Variants in MTMR7 observed in about 807,000 individuals in gnomAD.
MTMR7 encodes the protein myotubularin related protein 7.
A neutral mutation model predicts 81.2 loss-of-function variants in MTMR7; 76 were observed. That is an observed-to-expected ratio of 0.94 (90% CI 0.78 to 1.13). The LOEUF (loss-of-function observed/expected upper bound fraction) is 1.13. Ranked by LOEUF, MTMR7 falls within the 50% of genes most tolerant of loss-of-function variation. The pLI is 0.00. For synonymous variants in MTMR7, 372 were observed against 289.8 expected, an observed-to-expected ratio of 1.28 and a Z score of -2.88; for missense variants, 1,044 against 820.0, an observed-to-expected ratio of 1.27 and a Z score of -3.34.
intron 10 of MTMR7, 143 bp downstream of exon 10, chr8:17,309,134 G>C (rs1307019352): frequency 3.2e-6 from 2 of 618,372 alleles, no homozygotes; most frequent in East Asian, 5.5e-5. Flanking sequence ...TCTATGATAT[G>C]ACATATACAA....
intron 1 of MTMR7, among the ~76,000 whole-genome samples, chr8:17,395,095 T>C (rs1384210193): frequency 6.6e-6 from 1 of 152,130 alleles, no homozygotes; most frequent in East Asian, 1.9e-4. Flanking sequence ...CTACCCTCAG[T>C]TCCTCATAAC....
chr8:17,317,593 T>C (rs1224920578), intron 7 of MTMR7, among the ~76,000 whole-genome samples: 1 of 152,106 alleles, frequency 6.6e-6, no homozygotes, highest in African/African-American at 2.4e-5. Context: ...ATCACCATCT[T>C]CTCTTGTGGA....
intron 1 of MTMR7, among the ~76,000 whole-genome samples, chr8:17,408,932 C>A (rs149443961): frequency 2.0e-5 from 3 of 152,082 alleles, no homozygotes; most frequent in African/African-American, 7.2e-5. Flanking sequence ...ACTAAAACCA[C>A]TGAATTGTGC....
At chr8:17,378,503 T>A (rs1342744151) in intron 1 of MTMR7, among the ~76,000 whole-genome samples, 1 of 152,164 alleles carries the variant, frequency 6.6e-6, no homozygotes, top group African/African-American at 2.4e-5. Context: ...TATACATATA[T>A]GCTGTACATA....
intron 10 of MTMR7, among the ~76,000 whole-genome samples, chr8:17,306,236 A>T (rs1450069842): frequency 6.6e-6 from 1 of 152,174 alleles, no homozygotes; most frequent in African/African-American, 2.4e-5. Context: ...CCACAGAAAA[A>T]GGGCATTTTT....
At chr8:17,366,662 G>A (rs552085930) in intron 3 of MTMR7, among the ~76,000 whole-genome samples, 7 of 152,180 alleles carry the variant, frequency 4.6e-5, no homozygotes, top group South Asian at 2.1e-4. Flanking sequence ...CGAGGCGGGC[G>A]GATCATGAGG....
intron 1 of MTMR7, among the ~76,000 whole-genome samples, chr8:17,396,700 G>C (rs1050808123): frequency 1.2e-4 from 19 of 152,068 alleles, no homozygotes; most frequent in African/African-American, 4.6e-4. Context: ...GCTGGCTTTA[G>C]AGTCAGCGGA....
intron 1 of MTMR7, among the ~76,000 whole-genome samples, chr8:17,383,684 A>G (rs1459346171): frequency 6.6e-6 from 1 of 152,320 alleles, no homozygotes; most frequent in Middle Eastern, 3.4e-3. Flanking sequence ...TACAGCTAAA[A>G]GATTTGGTAT....
intron 1 of MTMR7, among the ~76,000 whole-genome samples, chr8:17,379,191 C>G (rs553452414): frequency 2.0e-5 from 3 of 152,254 alleles, no homozygotes; most frequent in African/African-American, 7.2e-5. Context: ...CATGGGGGCA[C>G]TGGTGGTCTT....
chr8:17,345,315 A>C (rs1315431667), intron 5 of MTMR7, among the ~76,000 whole-genome samples: 1 of 152,218 alleles, frequency 6.6e-6, no homozygotes, highest in Non-Finnish European at 1.5e-5. Context: ...CCCCAGAAGC[A>C]GGTTTTAGTT....
At chr8:17,385,393 G>C (rs1322155627) in intron 1 of MTMR7, among the ~76,000 whole-genome samples, 5 of 152,174 alleles carry the variant, frequency 3.3e-5, no homozygotes, top group Admixed American at 2.6e-4. Context: ...TGAATCATGG[G>C]GCTGGGTCAT....
At chr8:17,322,644 A>AC (rs1818453404) in intron 7 of MTMR7, among the ~76,000 whole-genome samples, 1 of 151,960 alleles carries the variant, frequency 6.6e-6, no homozygotes. Context: ...ATGTAGCAAG[A>AC]CCCCATCTCT....
Position 17,305,823 on chromosome 8 carries a change from T to G in MTMR7, c.1286A>C (p.His429Pro), listed in dbSNP as rs751740020. Residue 429 changes from histidine to proline, a missense_variant, in exon 11 of 14, where the codon CAT (histidine) becomes CCT (proline). His to Pro is a moderately conservative substitution (Grantham distance 77). Transcript: ENST00000180173. ...FNERFLIHIQHHIYSCQFGNF... is the reference protein window; with the variant it reads ...FNERFLIHIQPHIYSCQFGNF... ...TCCAAACTGGCAGGAATAAATGTGA[T>G]GTTGAATGTGAATCAAAAACCTCTC... 1.2e-6 allele frequency: 2 copies of G among 1,613,716 alleles called. No individual in the cohort carries two copies. The highest frequency in any genetic ancestry group is 1.7e-5 in the Admixed American group (1 of 60,012).
Position 17,362,088 on chromosome 8 carries a change from T to C in MTMR7, c.311-814A>G, listed in dbSNP as rs541184453. Among the ~76,000 whole-genome samples the C allele has an allele frequency of 1.5e-3, 227 of 152,250 alleles. 1 individual carries two copies. Among genetic ancestry groups the C allele is most frequent in the Middle Eastern group, 3.4e-3 (1 of 294 alleles). ...AAGGGAAGTGTAGAGACCAGCGCTA[T>C]CCAACAGAAATATAATGTGAGCTAT... On this transcript the variant is annotated intron_variant, in intron 3 of 13. Coordinates refer to ENST00000180173, the MANE Select transcript of MTMR7 (RefSeq NM_004686.5).
chr8:17,342,888 C>T (rs970964471), intron 5 of MTMR7, among the ~76,000 whole-genome samples: 5 of 151,952 alleles, frequency 3.3e-5, no homozygotes. Context: ...GCACGGCAGA[C>T]AGAATGGCAA....
At chr8:17,306,866 G>A (rs904466827) in intron 10 of MTMR7, among the ~76,000 whole-genome samples, 23 of 152,152 alleles carry the variant, frequency 1.5e-4, no homozygotes, top group African/African-American at 5.3e-4. Flanking sequence ...TCCCTTCTTT[G>A]CACCTTATAC....
chr8:17,330,266 C>G (rs1222411525), intron 7 of MTMR7, among the ~76,000 whole-genome samples: 1 of 152,236 alleles, frequency 6.6e-6, no homozygotes, highest in Non-Finnish European at 1.5e-5. Flanking sequence ...CCTCTTCATT[C>G]CAGAGCCTGC....
intron 4 of MTMR7, among the ~76,000 whole-genome samples, chr8:17,359,396 G>C (rs537065642): frequency 2.5e-4 from 38 of 151,924 alleles, no homozygotes; most frequent in East Asian, 9.8e-4. Context: ...CCAGGAATTC[G>C]AGACCAGCCT....
chr8:17,300,129 G>A lies in MTMR7; in HGVS notation c.1716C>T (p.Asp572=). The change falls in exon 14 of 14, where the codon GAC becomes GAT. Residue 572 remains aspartate (D), a synonymous_variant. Transcript: ENST00000180173. The part of the protein sequence containing the change: ...PSKHSGFSTS[D]NSIANTPQDY... ...CCTGGGGAGTGTTGGCTATGCTGTT[G>A]TCTGAGGTAGAAAACCCTGAGTGCT... The A allele has an allele frequency of 3.1e-6, 5 of 1,614,096 alleles. No homozygotes were observed. The highest frequency in any genetic ancestry group is 1.1e-5 in the South Asian group (1 of 91,078).
Sources: gnomAD v4.1 joint callset for allele counts (sites outside exome capture counted in the v4.1 genomes callset) on GRCh38, gnomAD v4.1.1 for gene constraint, MANE v1.5 for transcripts, NCBI Gene and HGNC (gene_info 2026-07-23, HGNC 2026-07-21) for gene names.